ANP32A: variants seen among roughly 807,000 people sequenced by gnomAD.
ANP32A encodes acidic leucine-rich nuclear phosphoprotein 32 family member A.
Under a neutral mutation model 33.9 loss-of-function variants are expected in ANP32A, and 1 was observed. The observed-to-expected ratio is 0.03, with a 90% CI of 0.01 to 0.14. The LOEUF (loss-of-function observed/expected upper bound fraction) is 0.14. Ranked by LOEUF, ANP32A falls within the 10% of genes least tolerant of loss-of-function variation. ANP32A has a pLI of 1.00. For synonymous variants in ANP32A, 115 were observed against 120.5 expected, an observed-to-expected ratio of 0.95 and a Z score of 0.30; for missense variants, 155 against 306.0, an observed-to-expected ratio of 0.51 and a Z score of 3.68.
chr15:68,818,070 C>T (rs1032384797), intron 1 of ANP32A, among the ~76,000 whole-genome samples: 1 of 152,066 alleles, frequency 6.6e-6, no homozygotes, highest in Non-Finnish European at 1.5e-5. Flanking sequence ...ATAAATAAAA[C>T]ACCTGGAACT....
At position 68,780,714 on chromosome 15, in the gene ANP32A, A is replaced by G. The variant is rs1157512373; in HGVS notation, c.625-241T>C. 5.4e-6 allele frequency: 3 copies of G among 555,052 alleles called. No individual in the cohort carries two copies. Among genetic ancestry groups the G allele is most frequent in the Non-Finnish European group, 8.7e-6 (3 of 343,570 alleles). 34.4% of individuals were successfully genotyped at this position (555,052 alleles called of 1,614,324 possible). On this transcript the variant is annotated intron_variant, in intron 5 of 6. Coordinates refer to ENST00000465139, the MANE Select transcript of ANP32A (RefSeq NM_006305.4). This position sits in a 1 kb window ranked among gnomAD's most constrained non-coding sequence, Gnocchi z 4.3. ...CCAGAAAATGTCCGTATCATTTATA[A>G]TATTTGCAAGCAGTTTCAGGGGGTT...
chr15:68,788,895 C>G (rs927216566), intron 1 of ANP32A, among the ~76,000 whole-genome samples: 1 of 152,158 alleles, frequency 6.6e-6, no homozygotes, highest in Admixed American at 6.5e-5. Context: ...GTAGAAAGAA[C>G]GAATAAAAAG....
chr15:68,794,851 G>A lies in ANP32A; in HGVS notation c.55-6932C>T, dbSNP rs143470668. ...CCAGTGGCTTTCTACATTTTACACCGTGGCTCAGTACACACGTTTTTGTGT... is the reference window on the plus strand; with the variant it reads ...CCAGTGGCTTTCTACATTTTACACCATGGCTCAGTACACACGTTTTTGTGT... On this transcript the variant is annotated intron_variant, in intron 1 of 6. Transcript: ENST00000465139. Among the ~76,000 whole-genome samples the A allele has an allele frequency of 7.1e-3, 1,082 of 152,268 alleles. 14 individuals are homozygous for A. Among genetic ancestry groups the A allele is most frequent in the African/African-American group, 0.025 (1,019 of 41,534 alleles).
chr15:68,783,016 G>C lies in ANP32A; in HGVS notation c.564C>G (p.Asp188Glu), dbSNP rs536312245. 4.6e-5 allele frequency: 71 copies of C among 1,551,276 alleles called. No individual in the cohort carries two copies. In the East Asian group the frequency reaches 1.7e-3, roughly 37 times the overall value. ...EYDEDAQVVE[D>E]EEDEDEEEEG... ...CCTCCTCCTCATCCTCGTCCTCCTCGTCTTCCACTACCTGAGCATCTTCAT... is the reference window on the plus strand; with the variant it reads ...CCTCCTCCTCATCCTCGTCCTCCTCCTCTTCCACTACCTGAGCATCTTCAT... Residue 188 changes from aspartate (D) to glutamate (E), a missense_variant, in exon 5 of 7, where the codon GAC becomes GAG. Asp to Glu is a conservative substitution (Grantham distance 45). This residue lies in a region of ANP32A where 63 missense variants were observed against 82.8 expected (regional missense o/e 0.76). Coordinates refer to ENST00000465139, the MANE Select transcript of ANP32A (RefSeq NM_006305.4).
At chr15:68,800,979 C>T (rs888833368) in intron 1 of ANP32A, among the ~76,000 whole-genome samples, 24 of 82,792 alleles carry the variant, frequency 2.9e-4, no homozygotes, top group African/African-American at 6.8e-4. Flanking sequence ...CAGGTGGGTA[C>T]GAGAGAATTT....
At chr15:68,812,054 T>G (rs909835735) in intron 1 of ANP32A, among the ~76,000 whole-genome samples, 1 of 150,946 alleles carries the variant, frequency 6.6e-6, no homozygotes, top group African/African-American at 2.4e-5. Flanking sequence ...TTTTTTTAAG[T>G]GAATGCCAGG....
chr15:68,813,161 CA>C (rs1894335146), intron 1 of ANP32A: 1 of 152,184 alleles, frequency 6.6e-6, no homozygotes, highest in Admixed American at 6.5e-5. Flanking sequence ...TGAATGAATT[CA>C]GGGGGCAGCT....
intron 1 of ANP32A, among the ~76,000 whole-genome samples, chr15:68,807,431 G>GGA (rs1555424029): frequency 1.4e-5 from 2 of 141,652 alleles, no homozygotes; most frequent in Admixed American, 1.4e-4. Flanking sequence ...AGAAAACGGG[G>GGA]GGGGGGGAGT....
At chr15:68,812,452 T>C (rs1894326049) in intron 1 of ANP32A, among the ~76,000 whole-genome samples, 1 of 151,974 alleles carries the variant, frequency 6.6e-6, no homozygotes, top group African/African-American at 2.4e-5. Flanking sequence ...GAGCCTAGGA[T>C]TGAGTCCTTA....
At chr15:68,794,817 T>C (rs1422858247) in intron 1 of ANP32A, among the ~76,000 whole-genome samples, 1 of 152,154 alleles carries the variant, frequency 6.6e-6, no homozygotes, top group African/African-American at 2.4e-5. Flanking sequence ...GCCTTAGGGA[T>C]CTCCTAGGCC....
intron 3 of ANP32A, among the ~76,000 whole-genome samples, chr15:68,785,321 C>G (rs542898136): frequency 1.3e-5 from 2 of 152,206 alleles, no homozygotes; most frequent in South Asian, 4.1e-4. Context: ...CAATGTTATC[C>G]CTGTTTGATG....
chr15:68,810,503 GGA>G (rs1894297406), intron 1 of ANP32A, among the ~76,000 whole-genome samples: 1 of 152,112 alleles, frequency 6.6e-6, no homozygotes, highest in African/African-American at 2.4e-5. Context: ...GCACCCAGGT[GGA>G]GACATCAGGT....
intron 1 of ANP32A, among the ~76,000 whole-genome samples, chr15:68,801,515 C>T (rs1030362782): frequency 6.6e-6 from 1 of 151,994 alleles, no homozygotes; most frequent in Non-Finnish European, 1.5e-5. Context: ...CTCCATGGGA[C>T]CCAATGAGAT....
chr15:68,783,225 T>G (rs974055864), intron 4 of ANP32A, among the ~76,000 whole-genome samples, 172 bp from the exon 5 acceptor site: 3 of 152,012 alleles, frequency 2.0e-5, no homozygotes, highest in Admixed American at 1.3e-4. Flanking sequence ...CTGACATAAT[T>G]AAACACATCC....
At chr15:68,810,685 C>T (rs1000775377) in intron 1 of ANP32A, among the ~76,000 whole-genome samples, 2 of 152,130 alleles carry the variant, frequency 1.3e-5, no homozygotes, top group African/African-American at 4.8e-5. Flanking sequence ...AGGAGAGCAA[C>T]AGGACACCAG....
At chr15:68,819,455 C>A (rs938408287) in intron 1 of ANP32A, among the ~76,000 whole-genome samples, 2 of 152,258 alleles carry the variant, frequency 1.3e-5, no homozygotes, top group African/African-American at 4.8e-5. Context: ...TTCCTCCGGC[C>A]GTGCTCCCGC....
chr15:68,818,531 G>C (rs1894422047), intron 1 of ANP32A, among the ~76,000 whole-genome samples: 1 of 152,068 alleles, frequency 6.6e-6, no homozygotes, highest in East Asian at 2.0e-4. Context: ...TCCAGGCAGG[G>C]GGCAGGCGTG....
At chr15:68,811,903 AT>A (rs34478230) in intron 1 of ANP32A, among the ~76,000 whole-genome samples, 2 of 148,534 alleles carry the variant, frequency 1.3e-5, no homozygotes, top group African/African-American at 4.9e-5. Context: ...CACCCGGCTG[AT>A]TTTTTTTTTT....
chr15:68,800,954 G>A (rs1894126557), intron 1 of ANP32A, among the ~76,000 whole-genome samples: 1 of 149,596 alleles, frequency 6.7e-6, no homozygotes, highest in African/African-American at 2.5e-5. Context: ...CCTTATTGGG[G>A]AACAGCTAGG....
Sources: gnomAD v4.1 joint callset for allele counts (sites outside exome capture counted in the v4.1 genomes callset) on GRCh38, gnomAD v4.1.1 for gene constraint, gnomAD v4.1.1 regional missense constraint, Gnocchi (gnomAD v3.1) non-coding constraint, MANE v1.5 for transcripts, NCBI Gene and HGNC (gene_info 2026-07-23, HGNC 2026-07-21) for gene names.